CACNA1C: variants seen among roughly 807,000 people sequenced by gnomAD.
CACNA1C encodes the protein calcium voltage-gated channel subunit alpha1 C.
In CACNA1C, 30 loss-of-function variants were observed where a neutral mutation model predicts 229.0. That is an observed-to-expected ratio of 0.13 (90% CI 0.10 to 0.18). CACNA1C has a LOEUF of 0.18. Ranked by LOEUF, CACNA1C falls within the 10% of genes least tolerant of loss-of-function variation. The pLI is 1.00. For synonymous variants in CACNA1C, 1,114 were observed against 1,132.5 expected, an observed-to-expected ratio of 0.98 and a Z score of 0.33; for missense variants, 1,658 against 2,845.0, an observed-to-expected ratio of 0.58 and a Z score of 9.49.
chr12:2,147,140 T>C (rs759140373), intron 3 of CACNA1C, among the ~76,000 whole-genome samples: 6 of 151,390 alleles, frequency 4.0e-5, no homozygotes, highest in Non-Finnish European at 8.9e-5. Context: ...CTAGGGAAAT[T>C]ACAGCAAACG....
At chr12:1,978,359 G>A (rs983399764) in intron 1 of CACNA1C, among the ~76,000 whole-genome samples, 5 of 152,110 alleles carry the variant, frequency 3.3e-5, no homozygotes, top group Non-Finnish European at 5.9e-5. Context: ...AAGCCAAGAC[G>A]CAAAGTAATA....
intron 7 of CACNA1C, among the ~76,000 whole-genome samples, chr12:2,501,987 A>G (rs1050596674): frequency 4.6e-5 from 7 of 152,244 alleles, no homozygotes; most frequent in Non-Finnish European, 8.8e-5. Flanking sequence ...ATAGGACCAC[A>G]TGGACTCTGG....
chr12:2,375,107 C>G (rs2098006536), intron 3 of CACNA1C, among the ~76,000 whole-genome samples: 1 of 152,208 alleles, frequency 6.6e-6, no homozygotes, highest in Non-Finnish European at 1.5e-5. Flanking sequence ...GGTCAGCAGG[C>G]TGGGGAAAGT....
intron 5 of CACNA1C, among the ~76,000 whole-genome samples, chr12:2,471,448 C>T (rs2099591900): frequency 6.6e-6 from 1 of 152,172 alleles, no homozygotes; most frequent in African/African-American, 2.4e-5. Flanking sequence ...TCCAAGTTCC[C>T]TTCTGGTATC....
chr12:2,650,044 C>CGT (rs2094780911), intron 31 of CACNA1C, among the ~76,000 whole-genome samples: 1 of 152,178 alleles, frequency 6.6e-6, no homozygotes, highest in Non-Finnish European at 1.5e-5. Context: ...CTCAGGTACC[C>CGT]GTGCAGCAGG....
chr12:2,192,577 T>A (rs900550360), intron 3 of CACNA1C, among the ~76,000 whole-genome samples: 2 of 152,272 alleles, frequency 1.3e-5, no homozygotes, highest in African/African-American at 2.4e-5. Context: ...TTTTAAGTAC[T>A]TTTTCCTTTT....
intron 1 of CACNA1C, chr12:2,004,452 A>T (rs202023042): frequency 1.3e-6 from 2 of 1,596,280 alleles, no homozygotes; most frequent in Non-Finnish European, 1.7e-6. Context: ...TCCCAGACAT[A>T]GGCACGGGGC....
intron 5 of CACNA1C, among the ~76,000 whole-genome samples, chr12:2,461,909 G>A (rs1237084001): frequency 6.6e-6 from 1 of 152,108 alleles, no homozygotes; most frequent in East Asian, 1.9e-4. Context: ...CCCTATCATG[G>A]CCCGGACCTA....
chr12:2,586,001 T>G, intron 18 of CACNA1C, 97 bp downstream of exon 18: 2 of 647,212 alleles, frequency 3.1e-6, no homozygotes, highest in Non-Finnish European at 5.3e-6. Flanking sequence ...GGGACCATGG[T>G]TCCAGTGTCC....
intron 18 of CACNA1C, among the ~76,000 whole-genome samples, chr12:2,590,138 C>G (rs1162638957): frequency 6.6e-6 from 1 of 152,196 alleles, no homozygotes; most frequent in Non-Finnish European, 1.5e-5. Flanking sequence ...GCTCAATACT[C>G]TGTAGGCACT....
intron 3 of CACNA1C, among the ~76,000 whole-genome samples, chr12:2,411,750 G>A (rs964146894): frequency 1.3e-5 from 2 of 152,204 alleles, no homozygotes; most frequent in South Asian, 2.1e-4. Flanking sequence ...TTAGCCCAGC[G>A]CTGCTGTCTG....
chr12:2,401,136 G>A (rs2098671671), intron 3 of CACNA1C, among the ~76,000 whole-genome samples: 1 of 152,186 alleles, frequency 6.6e-6, no homozygotes, highest in African/African-American at 2.4e-5. Flanking sequence ...TCAGGGTCTG[G>A]AAGAGGCCAG....
In CACNA1C at chr12:2,029,764, A is replaced by C. The variant is rs780626370; in HGVS notation, c.139+58563A>C. On this transcript the variant is annotated intron_variant, in intron 1 of 46. Transcript: ENST00000682462. This position sits in a 1 kb window ranked among gnomAD's most constrained non-coding sequence, Gnocchi z 4.9. ...AGTAAGGGGCTAACACTGTGGTTCT[A>C]TTATTTACAGAAAACTTGTTTCTGG... Among the ~76,000 whole-genome samples the C allele has an allele frequency of 6.6e-6, 1 of 152,136 alleles. No individual in the cohort carries two copies. The highest frequency in any genetic ancestry group is 2.4e-5 in the African/African-American group (1 of 41,416).
chr12:2,302,308 A>G (rs2094621555), intron 3 of CACNA1C, among the ~76,000 whole-genome samples: 1 of 151,690 alleles, frequency 6.6e-6, no homozygotes, highest in African/African-American at 2.4e-5. Context: ...TCAGGAACAT[A>G]AGGTCATGCC....
chr12:2,690,986 C>G lies in CACNA1C; in HGVS notation c.6204C>G (p.Asp2068Glu). The G allele has an allele frequency of 6.2e-7, 1 of 1,600,688 alleles. No homozygotes were observed. The highest frequency in any genetic ancestry group is 1.7e-5 in the Admixed American group (1 of 58,258). The change falls in exon 47 of 47, where the codon GAC becomes GAG. Residue 2068 changes from aspartate to glutamate, a missense_variant. Transcript: ENST00000399655. ...VTTQELADACDMTIEEMESAA... is the reference protein window; with the variant it reads ...VTTQELADACEMTIEEMESAA... Reference sequence around the variant, plus strand: ...CCCAGGAGCTGGCCGACGCCTGCGACATGACCATAGAGGAGATGGAGAGCG... The same window carrying G: ...CCCAGGAGCTGGCCGACGCCTGCGAGATGACCATAGAGGAGATGGAGAGCG...
In CACNA1C at chr12:2,108,879, C is replaced by T. The variant is rs77408014; in HGVS notation, c.50-6345C>T. Among the ~76,000 whole-genome samples the T allele has an allele frequency of 0.016, 2,502 of 152,280 alleles. 29 individuals are homozygous for T. The highest frequency in any genetic ancestry group is 0.038 in the South Asian group (183 of 4,820). ...TCCGGTTTCTGTTCCAGGTTGTCTG[C>T]GATACTCTTAAAGGGAATGCAGGCC... On this transcript the variant is annotated intron_variant, in intron 1 of 46. Transcript: ENST00000399655. This position sits in a 1 kb window ranked among gnomAD's most constrained non-coding sequence, Gnocchi z 5.3.
Position 2,665,127 on chromosome 12 carries a change from G to C in CACNA1C, c.4398+137G>C. On this transcript the variant is annotated intron_variant, in intron 35 of 46. Coordinates refer to ENST00000399655, the MANE Select transcript of CACNA1C (RefSeq NM_000719.7). This position sits in a 1 kb window ranked among gnomAD's most constrained non-coding sequence, Gnocchi z 5.9. ...GCTTGGGAAGACTAAGTTGGCAGGA[G>C]TGTCCAGCCACATGGAGAGAAAGGC... The C allele has an allele frequency of 2.4e-6, 2 of 830,582 alleles. No homozygotes were observed. The highest frequency in any genetic ancestry group is 1.9e-6 in the Non-Finnish European group (1 of 527,770). 51.5% of individuals were successfully genotyped at this position (830,582 alleles called of 1,614,324 possible).
At position 2,244,637 on chromosome 12, in the gene CACNA1C, T is replaced by C. The variant is rs567216215; in HGVS notation, c.477+124207T>C. On this transcript the variant is annotated intron_variant, in intron 3 of 46. Transcript: ENST00000399655. ...CATGAGGGGTGAAGCCACAGGTCAG[T>C]CCTATAAGCACCTCCTCCTTCCTAG... Among the ~76,000 whole-genome samples the C allele has an allele frequency of 1.2e-4, 19 of 152,182 alleles. 1 individual carries two copies. The South Asian group carries it at 3.3e-3, about 27-fold the overall frequency.
chr12:2,210,213 T>C (rs570300654), intron 3 of CACNA1C, among the ~76,000 whole-genome samples: 1 of 152,346 alleles, frequency 6.6e-6, no homozygotes, highest in African/African-American at 2.4e-5. Flanking sequence ...ATAGAACATC[T>C]GGGAGGCAAG....
Sources: gnomAD v4.1 joint callset for allele counts (sites outside exome capture counted in the v4.1 genomes callset) on GRCh38, gnomAD v4.1.1 for gene constraint, Gnocchi (gnomAD v3.1) non-coding constraint, MANE v1.5 for transcripts, NCBI Gene and HGNC (gene_info 2026-07-23, HGNC 2026-07-21) for gene names.